FAM135A: variants seen among roughly 807,000 people sequenced by gnomAD.
The protein encoded by FAM135A is family with sequence similarity 135 member A.
In FAM135A, 79 loss-of-function variants were observed where a neutral mutation model predicts 146.8. The ratio of observed to expected loss-of-function variants is 0.54; its 90% CI spans 0.45 to 0.65. The LOEUF (loss-of-function observed/expected upper bound fraction) is 0.65, where lower values mean the gene tolerates loss of function less well. FAM135A is among the 30% of genes least tolerant of loss of function. FAM135A has a pLI of 0.00. For missense variants in FAM135A, 1,623 were observed against 1,758.2 expected, an observed-to-expected ratio of 0.92 and a Z score of 1.38; for synonymous variants, 562 against 603.6, an observed-to-expected ratio of 0.93 and a Z score of 1.01.
chr6:70,525,892 T>G lies in FAM135A; in HGVS notation c.2808T>G (p.Ser936Arg). 3 of 1,612,958 alleles carry G rather than the reference T, an allele frequency of 1.9e-6. No individual in the cohort carries two copies. The highest frequency in any genetic ancestry group is 1.7e-6 in the Non-Finnish European group (2 of 1,179,506). Reference protein sequence around the residue: ...SDEETSSDVKSSCSSKPNLDT... With the variant: ...SDEETSSDVKRSCSSKPNLDT... ...AAGAGACTTCCAGTGATGTGAAAAG[T>G]AGTTGCAGCTCCAAACCTAACTTGG... is the stretch of plus-strand genomic sequence containing the variant. Residue 936 changes from serine (S) to arginine (R), a missense_variant, in exon 15 of 22, where the codon AGT (serine) becomes AGG (arginine). Ser to Arg is a moderately radical substitution (Grantham distance 110, BLOSUM62 -1). This residue lies in a region of FAM135A where 1,061 missense variants were observed against 1,113.8 expected (regional missense o/e 0.95). Transcript: ENST00000418814.
At chr6:70,544,707 C>T (rs890339042) in intron 20 of FAM135A, among the ~76,000 whole-genome samples, 1 of 151,900 alleles carries the variant, frequency 6.6e-6, no homozygotes, top group Non-Finnish European at 1.5e-5. Context: ...TGCCACTACA[C>T]TCCAGCGGGG....
chr6:70,501,526 G>A (rs1436400452), intron 11 of FAM135A, among the ~76,000 whole-genome samples: 1 of 152,174 alleles, frequency 6.6e-6, no homozygotes, highest in Non-Finnish European at 1.5e-5. Flanking sequence ...TGGGGTTCCA[G>A]GCACCACTGG....
chr6:70,506,054 AT>A (rs1235801315), intron 12 of FAM135A, among the ~76,000 whole-genome samples: 3 of 152,110 alleles, frequency 2.0e-5, no homozygotes, highest in African/African-American at 7.2e-5. Flanking sequence ...AATGGAATAT[AT>A]TTTTTTCCGC....
At chr6:70,539,451 ATTC>A (rs1332705289) in intron 20 of FAM135A, among the ~76,000 whole-genome samples, 1 of 152,200 alleles carries the variant, frequency 6.6e-6, no homozygotes, top group Non-Finnish European at 1.5e-5. Flanking sequence ...AACTTTATTA[ATTC>A]AAAAACAGCA....
At position 70,560,083 on chromosome 6, in the gene FAM135A, A is replaced by C. The variant is rs1210666305; in HGVS notation, c.*162A>C. 1.8e-6 allele frequency: 1 copy of C among 564,014 alleles called. No homozygotes were observed. Among genetic ancestry groups the C allele is most frequent in the Non-Finnish European group, 2.9e-6 (1 of 339,426 alleles). 34.9% of individuals were successfully genotyped at this position (564,014 alleles called of 1,614,324 possible). A position where few individuals can be genotyped will look rare whatever the true frequency, so the allele number is the denominator to read the frequency against. ...CATGTTTAGTGCTTTTTAAACATCAACTTTACTTTCTAGGTAATGTGGCTG... is the reference window on the plus strand; with the variant it reads ...CATGTTTAGTGCTTTTTAAACATCACCTTTACTTTCTAGGTAATGTGGCTG... On this transcript the variant is annotated 3_prime_UTR_variant, in exon 22 of 22. Transcript: ENST00000418814.
rs545833758 is a variant in FAM135A, at chr6:70,425,965, C to T, written c.-133-474C>T. Among the ~76,000 whole-genome samples the T allele has an allele frequency of 4.0e-3, 601 of 151,922 alleles. 8 individuals are homozygous for T. Among genetic ancestry groups the T allele is most frequent in the African/African-American group, 0.014 (577 of 41,424 alleles). On this transcript the variant is annotated intron_variant, in intron 2 of 21. Transcript: ENST00000418814. ...AAAAATACAAAAAATTAGCCGGGCGCGGTGGCGGGCGCCTGTAGTCCCAGC... is the reference window on the plus strand; with the variant it reads ...AAAAATACAAAAAATTAGCCGGGCGTGGTGGCGGGCGCCTGTAGTCCCAGC...
intron 11 of FAM135A, among the ~76,000 whole-genome samples, chr6:70,492,578 A>G (rs906876702): frequency 4.6e-5 from 7 of 151,758 alleles, no homozygotes; most frequent in Non-Finnish European, 8.9e-5. Context: ...AATATTTGCA[A>G]TATTTAAAAC....
chr6:70,419,201 A>G (rs565630558), intron 2 of FAM135A, among the ~76,000 whole-genome samples: 1 of 152,238 alleles, frequency 6.6e-6, no homozygotes, highest in South Asian at 2.1e-4. Context: ...CAGGCAGATC[A>G]CGAGGTCAGG....
intron 12 of FAM135A, 49 bp downstream of exon 12, chr6:70,502,840 C>A (rs768145264): frequency 4.6e-6 from 7 of 1,534,458 alleles, no homozygotes; most frequent in Admixed American, 2.1e-5. Context: ...GTATTATTTA[C>A]CTTTAGAAAA....
At position 70,525,518 on chromosome 6, in the gene FAM135A, G is replaced by A; in HGVS notation, c.2434G>A (p.Asp812Asn). The A allele has an allele frequency of 6.2e-7, 1 of 1,612,600 alleles. No homozygotes were observed. The highest frequency in any genetic ancestry group is 8.5e-7 in the Non-Finnish European group (1 of 1,179,394). The change falls in exon 15 of 22, where the codon GAT (aspartate) becomes AAT (asparagine). Residue 812 changes from aspartate to asparagine, a missense_variant. By Grantham distance (23) the Asp-to-Asn change is conservative (BLOSUM62 1). Around this residue, in one of 7 missense-constraint regions of FAM135A, gnomAD observed 1,061 missense variants for 1,113.8 expected, o/e 0.95. Coordinates refer to ENST00000418814, the MANE Select transcript of FAM135A (RefSeq NM_001162529.3). ...RLFPQLLMKP[D>N]YNVKFSLGNH... The stretch of plus-strand genomic sequence containing the variant: ...ATTTCCTCAGCTTTTGATGAAACCT[G>A]ATTATAATGTAAAATTTTCATTAGG...
At chr6:70,550,841 T>C (rs1799695374) in intron 20 of FAM135A, among the ~76,000 whole-genome samples, 2 of 152,236 alleles carry the variant, frequency 1.3e-5, no homozygotes, top group South Asian at 4.1e-4. Context: ...GAAAATCTGC[T>C]TTTTAGTGTA....
intron 4 of FAM135A, among the ~76,000 whole-genome samples, chr6:70,431,884 C>T (rs1249586846): frequency 6.6e-6 from 1 of 151,806 alleles, no homozygotes; most frequent in Non-Finnish European, 1.5e-5. Flanking sequence ...TATGTAGTGT[C>T]CTCTGACCTA....
chr6:70,417,679 C>G, intron 2 of FAM135A: 1 of 953,938 alleles, frequency 1.0e-6, no homozygotes, highest in Non-Finnish European at 1.2e-6. Context: ...AACTATGACA[C>G]TTGCTCTTTG....
chr6:70,421,995 G>A (rs1010950245), intron 2 of FAM135A, among the ~76,000 whole-genome samples: 2 of 152,312 alleles, frequency 1.3e-5, no homozygotes, highest in African/African-American at 4.8e-5. Flanking sequence ...TGAGATGACA[G>A]ACCTGAGTTT....
intron 18 of FAM135A, 89 bp from the exon 19 acceptor site, chr6:70,536,171 T>G: frequency 8.1e-7 from 1 of 1,231,314 alleles, no homozygotes; most frequent in Non-Finnish European, 1.1e-6. Flanking sequence ...AAATTGTTAG[T>G]ATTCACATCC....
intron 20 of FAM135A, among the ~76,000 whole-genome samples, chr6:70,538,822 T>TATATC (rs1582839639): frequency 6.9e-6 from 1 of 145,256 alleles, no homozygotes; most frequent in East Asian, 2.0e-4. Context: ...TATATTATAT[T>TATATC]ATATTATATT....
rs965924872 is a variant in FAM135A at position 70,561,115 on chromosome 6, G to A, written c.*1194G>A. On this transcript the variant is annotated 3_prime_UTR_variant, in exon 22 of 22. Coordinates refer to ENST00000418814, the MANE Select transcript of FAM135A (RefSeq NM_001162529.3). ...CAATTGATGCATGTTTATTTTTAGCGTTGTTATTGCCTCTGGTGTTAATAA... is the reference window on the plus strand; with the variant it reads ...CAATTGATGCATGTTTATTTTTAGCATTGTTATTGCCTCTGGTGTTAATAA... 4 of 152,436 alleles carry A rather than the reference G, an allele frequency of 2.6e-5. No homozygotes were observed. Among genetic ancestry groups the A allele is most frequent in the African/African-American group, 4.8e-5 (2 of 41,434 alleles). 9.4% of individuals were successfully genotyped at this position (152,436 alleles called of 1,614,324 possible). A position where few individuals can be genotyped will look rare whatever the true frequency, so the allele number is the denominator to read the frequency against.
At chr6:70,436,506 T>C (rs1252383979) in intron 4 of FAM135A, among the ~76,000 whole-genome samples, 2 of 152,176 alleles carry the variant, frequency 1.3e-5, no homozygotes, top group Non-Finnish European at 2.9e-5. Context: ...GGTATAGGGG[T>C]ACATTTAGTC....
chr6:70,447,825 C>T (rs1398318616), intron 4 of FAM135A, among the ~76,000 whole-genome samples: 2 of 152,150 alleles, frequency 1.3e-5, no homozygotes, highest in Non-Finnish European at 2.9e-5. Context: ...TTAGTATGCC[C>T]ATGCTTCTCA....
Sources: gnomAD v4.1 joint callset for allele counts (sites outside exome capture counted in the v4.1 genomes callset) on GRCh38, gnomAD v4.1.1 for gene constraint, gnomAD v4.1.1 regional missense constraint, MANE v1.5 for transcripts, NCBI Gene and HGNC (gene_info 2026-07-23, HGNC 2026-07-21) for gene names.